The following FAM161B variants were observed in gnomAD, a reference collection of about 807,000 sequenced individuals.
FAM161B encodes protein FAM161B.
Under a neutral mutation model 61.5 loss-of-function variants are expected in FAM161B, and 46 were observed. The observed-to-expected ratio is 0.75, with a 90% CI of 0.59 to 0.96. FAM161B has a LOEUF of 0.96. Ranked by LOEUF, FAM161B falls within the 40% of genes least tolerant of loss-of-function variation. The pLI, the probability that FAM161B is intolerant of heterozygous loss-of-function variation, is 0.00. For missense variants in FAM161B, 774 were observed against 800.7 expected (o/e 0.97, Z 0.40); for synonymous variants, 284 against 302.7 (o/e 0.94, Z 0.64).
chr14:73,936,565 AT>A (rs1025973844), intron 7 of FAM161B, among the ~76,000 whole-genome samples: 26 of 152,206 alleles, frequency 1.7e-4, no homozygotes, highest in Non-Finnish European at 3.2e-4. Flanking sequence ...GCAGAATATT[AT>A]TTTTTGTTTA....
intron 5 of FAM161B, among the ~76,000 whole-genome samples, chr14:73,940,110 T>C (rs1018436055): frequency 3.3e-5 from 5 of 152,206 alleles, no homozygotes; most frequent in African/African-American, 7.2e-5. Context: ...ACATGCCCCA[T>C]GGGAAGGCAG....
chr14:73,949,996 CG>C lies in FAM161B; in HGVS notation c.30del (p.Gly11GlufsTer47). The C allele has an allele frequency of 6.2e-7, 1 of 1,613,358 alleles. No homozygotes were observed. On this transcript the variant is annotated frameshift_variant, in exon 1 of 9. Transcript: ENST00000286544. LOFTEE classifies it high-confidence loss of function. ...ACCTGACGGCTCCCCTCCGCGCCTC[CG>C]GGGGCTCCCTCAGGCCTCCCCACGG... MTVGRPEGA[P>X]GGAEGSRQIF... is the part of the protein sequence containing the mutation.
Position 73,944,814 on chromosome 14 carries a change from G to A in FAM161B, c.446C>T (p.Pro149Leu). ...GGAGGGAGGCCGGGAGCCTGAGGGT[G>A]GCTGGGTCTGAGGCCTGGGAATGTT... ...PSNIPRPQTQ[P>L]PSGSRPPSQH... is the part of the protein sequence containing the mutation. The change falls in exon 3 of 9, where the codon CCA becomes CTA. Residue 149 changes from proline to leucine, a missense_variant. Physicochemically the swap from Pro to Leu is moderately conservative, Grantham distance 98. Transcript: ENST00000286544. 2 of 1,566,552 alleles carry A rather than the reference G, an allele frequency of 1.3e-6. No homozygotes were observed. Among genetic ancestry groups the A allele is most frequent in the Non-Finnish European group, 1.7e-6 (2 of 1,155,806 alleles).
chr14:73,925,673 C>G, the FAM161B span, among the ~76,000 whole-genome samples: 1 of 152,118 alleles, frequency 6.6e-6, no homozygotes, highest in Non-Finnish European at 1.5e-5. Flanking sequence ...AGTGATCCAC[C>G]CGCCTCAGCC....
At chr14:73,931,400 G>GT, downstream of FAM161B, 1 of 970,340 alleles carries the variant, frequency 1.0e-6, no homozygotes. Context: ...ATTCACCCCT[G>GT]TAGTGCATTC....
intron 3 of FAM161B, among the ~76,000 whole-genome samples, chr14:73,944,052 T>C (rs957276719): frequency 6.6e-6 from 1 of 152,202 alleles, no homozygotes. Context: ...TCTCTATTCC[T>C]GCACCTGTGC....
At chr14:73,931,830 T>A, downstream of FAM161B, 2 of 448,318 alleles carry the variant, frequency 4.5e-6, no homozygotes, top group Middle Eastern at 3.3e-4. Context: ...AATTTGATTA[T>A]GTGTTGGCTG....
chr14:73,944,589 T>A lies in FAM161B; in HGVS notation c.671A>T (p.His224Leu), dbSNP rs759141048. 11 of 1,613,888 alleles carry A rather than the reference T, an allele frequency of 6.8e-6. No homozygotes were observed. The highest frequency in any genetic ancestry group is 2.5e-6 in the Non-Finnish European group (3 of 1,179,990). ...CTCTTGGTAGAGGGGCAGGTAGACATGTGCAGGCACAGGCTGTGCCCGGAA... is the reference window on the plus strand; with the variant it reads ...CTCTTGGTAGAGGGGCAGGTAGACAAGTGCAGGCACAGGCTGTGCCCGGAA... ...RQFRAQPVPA[H>L]VYLPLYQEIM... The change falls in exon 3 of 9, where the codon CAT becomes CTT. Residue 224 changes from histidine (H) to leucine (L), a missense_variant. Physicochemically the swap from His to Leu is moderately conservative, Grantham distance 99. Transcript: ENST00000286544.
intron 6 of FAM161B, 65 bp downstream of exon 6, chr14:73,937,883 C>A: frequency 6.3e-7 from 1 of 1,597,462 alleles, no homozygotes; most frequent in Non-Finnish European, 8.5e-7. Flanking sequence ...CATTTTCTGG[C>A]AATAGGCCAG....
In FAM161B at chr14:73,944,410, T is replaced by C. The variant is rs2056045396; in HGVS notation, c.850A>G (p.Lys284Glu). Residue 284 changes from lysine to glutamate, a missense_variant, in exon 3 of 9, where the codon AAG becomes GAG. Coordinates refer to ENST00000286544, the MANE Select transcript of FAM161B (RefSeq NM_152445.3). ...CTGGTGGCCTTCTGCTTGGAGATCT[T>C]GGCTTCAGCTGTGGCTGCCAAGTCT... The part of the protein sequence containing the change: ...QRDLAATAEA[K>E]ISKQKATRRI... The C allele has an allele frequency of 1.2e-6, 2 of 1,611,170 alleles. No individual in the cohort carries two copies. The highest frequency in any genetic ancestry group is 1.3e-5 in the African/African-American group (1 of 74,862).
rs533084647 is a variant in FAM161B at position 73,934,022 on chromosome 14, G to C, written c.*234C>G. On this transcript the variant is annotated 3_prime_UTR_variant, in exon 9 of 9. Coordinates refer to ENST00000286544, the MANE Select transcript of FAM161B (RefSeq NM_152445.3). ...TTTTTAGTAGAGGTGGAGTTTTGCC[G>C]TGTTGGCTGGACTGGTCTCAAACTC... 1.2e-3 allele frequency: 473 copies of C among 389,454 alleles called. 10 individuals carry two copies. Among genetic ancestry groups the C allele is most frequent in the Non-Finnish European group, 3.4e-4 (75 of 218,386 alleles). 24.1% of individuals were successfully genotyped at this position (389,454 alleles called of 1,614,324 possible).
chr14:73,939,364 A>C (rs144952807), intron 5 of FAM161B, among the ~76,000 whole-genome samples: 1 of 152,252 alleles, frequency 6.6e-6, no homozygotes, highest in Non-Finnish European at 1.5e-5. Context: ...CTATCTGGAT[A>C]CAAAATAATA....
downstream of FAM161B, among the ~76,000 whole-genome samples, chr14:73,929,742 AG>A (rs2055883725): frequency 2.0e-5 from 3 of 152,102 alleles, no homozygotes; most frequent in South Asian, 6.2e-4. Context: ...ACTTGGGCCC[AG>A]GAAGTTGAGG....
downstream of FAM161B, chr14:73,932,252 C>T (rs1032643040): frequency 3.3e-5 from 11 of 332,462 alleles, no homozygotes; most frequent in African/African-American, 2.0e-4. Flanking sequence ...TCAGGTTTTC[C>T]TTTAAATAAA....
intron 1 of FAM161B, among the ~76,000 whole-genome samples, chr14:73,949,602 A>G (rs113508647): frequency 6.8e-6 from 1 of 146,698 alleles, no homozygotes. Flanking sequence ...CAGGTGATCC[A>G]CCCGCCTCGG....
intron 8 of FAM161B, 63 bp downstream of exon 8, chr14:73,935,886 C>A: frequency 6.6e-7 from 1 of 1,516,066 alleles, no homozygotes. Flanking sequence ...AGTTTCCTCC[C>A]AGTGGTATTA....
At chr14:73,944,302 C>A in intron 3 of FAM161B, 33 bp downstream of exon 3, 1 of 1,541,180 alleles carries the variant, frequency 6.5e-7, no homozygotes, top group Admixed American at 2.0e-5. Flanking sequence ...TTCCCCGAGG[C>A]AGGAGGCAGC....
rs751651190 is a variant in FAM161B, at chr14:73,932,688, A to AATC, written c.*1565_*1567dup. The AATC allele has an allele frequency of 3.8e-4, 131 of 348,842 alleles. 2 individuals carry two copies. The highest frequency in any genetic ancestry group is 8.6e-4 in the South Asian group (38 of 44,262). The allele number at this position is 348,842 out of a possible 1,614,324, so 21.6% of individuals were successfully genotyped here. On this transcript the variant is annotated 3_prime_UTR_variant, in exon 9 of 9. Transcript: ENST00000286544. The stretch of plus-strand genomic sequence containing the variant: ...CACCCAGGCTGGAGTGCAGTAGTGT[A>AATC]ATCATAGCTCAATGTAACCTTGAAC...
chr14:73,935,460 G>A (rs2055963582), intron 8 of FAM161B, among the ~76,000 whole-genome samples: 1 of 151,418 alleles, frequency 6.6e-6, no homozygotes, highest in South Asian at 2.1e-4. Flanking sequence ...CCCAGGAGGC[G>A]GAGCTTGCAG....
Sources: gnomAD v4.1 joint callset for allele counts (sites outside exome capture counted in the v4.1 genomes callset) on GRCh38, gnomAD v4.1.1 for gene constraint, MANE v1.5 for transcripts, NCBI Gene and HGNC (gene_info 2026-07-23, HGNC 2026-07-21) for gene names.